The following ALPK1 variants were observed in gnomAD, a reference collection of about 807,000 sequenced individuals.
ALPK1 encodes alpha kinase 1, also known as alpha-protein kinase 1.
In ALPK1, 110 loss-of-function variants were observed where a neutral mutation model predicts 120.6. The observed-to-expected ratio is 0.91, with a 90% confidence interval of 0.78 to 1.07. The LOEUF (loss-of-function observed/expected upper bound fraction) is 1.07. Among genes scored for constraint, ALPK1 ranks in the 50% least tolerant of loss-of-function variants. The pLI is 0.00. For synonymous variants in ALPK1, 582 were observed against 560.3 expected (o/e 1.04, Z -0.55); for missense variants, 1,498 against 1,483.9 (o/e 1.01, Z -0.16).
At chr4:112,358,703 AG>A in intron 2 of ALPK1, 1 of 757,880 alleles carries the variant, frequency 1.3e-6, no homozygotes, top group Non-Finnish European at 2.4e-6. Context: ...AGGAGCCGCA[AG>A]GAAGGAGGAA....
intron 4 of ALPK1, among the ~76,000 whole-genome samples, chr4:112,386,245 G>A (rs1217177201): frequency 1.3e-5 from 2 of 151,946 alleles, no homozygotes; most frequent in African/African-American, 4.8e-5. Context: ...CTTTTCCTTT[G>A]GTGTGTGGCC....
chr4:112,425,722 A>G lies in ALPK1; in HGVS notation c.593A>G (p.Gln198Arg), dbSNP rs201171863. 4 of 1,612,424 alleles carry G rather than the reference A, an allele frequency of 2.5e-6. No homozygotes were observed. Among genetic ancestry groups the G allele is most frequent in the Admixed American group, 3.3e-5 (2 of 59,980 alleles). The change falls in exon 7 of 16, where the codon CAG (glutamine) becomes CGG (arginine). Residue 198 changes from glutamine to arginine, a missense_variant. By Grantham distance (43) the Gln-to-Arg change is conservative. Transcript: ENST00000650871. ...DKVLVQSVCI[Q>R]IRGQILQKLG... is the part of the protein sequence containing the mutation. ...GTCCTGGTGCAGTCGGTCTGTATAC[A>G]GATCAGAGGGCAGATTCTGCAAAAG... is the stretch of plus-strand genomic sequence containing the variant.
chr4:112,423,732 T>C (rs1469892485), intron 5 of ALPK1: 2 of 683,702 alleles, frequency 2.9e-6, no homozygotes, highest in Non-Finnish European at 5.4e-6. Flanking sequence ...TCAGATACTG[T>C]CCAACTTCCC....
intron 2 of ALPK1, among the ~76,000 whole-genome samples, chr4:112,336,046 CT>C (rs1442380130): frequency 6.6e-6 from 1 of 152,226 alleles, no homozygotes; most frequent in Non-Finnish European, 1.5e-5. Context: ...TGGCTGGAGT[CT>C]ACCTCTCAAA....
intron 5 of ALPK1, among the ~76,000 whole-genome samples, chr4:112,417,775 C>T (rs1002198559): frequency 1.3e-5 from 2 of 152,178 alleles, no homozygotes; most frequent in Admixed American, 6.5e-5. Context: ...CATGAGTCAC[C>T]GTGCCTGGCT....
At chr4:112,358,360 A>G (rs1273603185) in intron 2 of ALPK1, 2 of 600,748 alleles carry the variant, frequency 3.3e-6, no homozygotes, top group Non-Finnish European at 6.1e-6. Flanking sequence ...CTATGCCAGC[A>G]CCGGCCCCCT....
intron 2 of ALPK1, among the ~76,000 whole-genome samples, chr4:112,350,236 A>G (rs17628066): frequency 0.011 from 1,656 of 152,346 alleles, 35 homozygotes; most frequent in East Asian, 0.084. Flanking sequence ...AGTTCTATGC[A>G]AAATAAATTA....
intron 2 of ALPK1, among the ~76,000 whole-genome samples, chr4:112,336,694 G>A (rs954195529): frequency 6.6e-6 from 1 of 152,100 alleles, no homozygotes; most frequent in Non-Finnish European, 1.5e-5. Flanking sequence ...GTCTTCTATA[G>A]TTATCTTTTT....
chr4:112,329,768 A>G (rs777486747), intron 2 of ALPK1, among the ~76,000 whole-genome samples: 10 of 152,224 alleles, frequency 6.6e-5, no homozygotes, highest in Non-Finnish European at 1.5e-4. Flanking sequence ...ACAATGGGCC[A>G]TCTGACGTGA....
intron 1 of ALPK1, among the ~76,000 whole-genome samples, chr4:112,311,420 A>G (rs529513968): frequency 4.1e-4 from 62 of 152,310 alleles, no homozygotes; most frequent in African/African-American, 1.5e-3. Flanking sequence ...TGGTAGCAGT[A>G]TTTACTCAAT....
At chr4:112,408,829 C>T (rs182900952) in intron 4 of ALPK1, among the ~76,000 whole-genome samples, 125 of 152,230 alleles carry the variant, frequency 8.2e-4, no homozygotes, top group Non-Finnish European at 1.2e-3. Flanking sequence ...GTTTATTTGA[C>T]GAACTCAGTC....
intron 6 of ALPK1, 146 bp downstream of exon 6, chr4:112,424,149 A>C: frequency 1.5e-6 from 1 of 678,626 alleles, no homozygotes. Context: ...ATGAATGAAG[A>C]AGCTTTGATC....
chr4:112,319,125 G>A (rs938421741), intron 2 of ALPK1, among the ~76,000 whole-genome samples: 1 of 152,220 alleles, frequency 6.6e-6, no homozygotes, highest in East Asian at 1.9e-4. Context: ...AGGAAGACCA[G>A]CCTGGAGGCT....
chr4:112,411,542 C>T (rs557911357), intron 4 of ALPK1, among the ~76,000 whole-genome samples: 13 of 152,208 alleles, frequency 8.5e-5, no homozygotes, highest in African/African-American at 2.6e-4. Flanking sequence ...TTACCCTATG[C>T]GCTTTAGTAT....
At chr4:112,356,711 G>A (rs1730637770) in intron 2 of ALPK1, 1 of 969,172 alleles carries the variant, frequency 1.0e-6, no homozygotes, top group Admixed American at 1.7e-5. Flanking sequence ...CCTGGACATC[G>A]AGGACTTGGT....
chr4:112,379,917 A>G (rs1731829363), intron 3 of ALPK1, among the ~76,000 whole-genome samples: 1 of 152,166 alleles, frequency 6.6e-6, no homozygotes, highest in African/African-American at 2.4e-5. Flanking sequence ...AAGGAGGCAA[A>G]AATGAGTTAG....
At chr4:112,428,741 G>A (rs1306714695) in intron 9 of ALPK1, among the ~76,000 whole-genome samples, 1 of 152,152 alleles carries the variant, frequency 6.6e-6, no homozygotes, top group Non-Finnish European at 1.5e-5. Flanking sequence ...TTTCCCCTGT[G>A]TCTAGAACAG....
At chr4:112,359,217 C>T in intron 2 of ALPK1, 1 of 584,808 alleles carries the variant, frequency 1.7e-6, no homozygotes. Flanking sequence ...CAGCCACCCA[C>T]AGTGGGGGTC....
At chr4:112,329,241 A>G (rs557280419) in intron 2 of ALPK1, among the ~76,000 whole-genome samples, 1 of 152,348 alleles carries the variant, frequency 6.6e-6, no homozygotes, top group South Asian at 2.1e-4. Context: ...GGAGAATTGT[A>G]CCCATATTAG....
Sources: gnomAD v4.1 joint callset for allele counts (sites outside exome capture counted in the v4.1 genomes callset) on GRCh38, gnomAD v4.1.1 for gene constraint, MANE v1.5 for transcripts, NCBI Gene and HGNC (gene_info 2026-07-23, HGNC 2026-07-21) for gene names.